SORCS3: variants seen among roughly 807,000 people sequenced by gnomAD.
SORCS3 encodes the protein VPS10 domain-containing receptor SorCS3.
Under a neutral mutation model 146.3 loss-of-function variants are expected in SORCS3, and 57 were observed. The ratio of observed to expected loss-of-function variants is 0.39; its 90% confidence interval spans 0.31 to 0.49. The LOEUF (loss-of-function observed/expected upper bound fraction) is 0.49. SORCS3 is among the 20% of genes least tolerant of loss of function. SORCS3 has a pLI of 0.92. For synonymous variants in SORCS3, 653 were observed against 618.5 expected (o/e 1.06, Z -0.83); for missense variants, 1,341 against 1,575.5 (o/e 0.85, Z 2.52).
intron 1 of SORCS3, among the ~76,000 whole-genome samples, chr10:104,780,525 A>C (rs1034125837): frequency 6.6e-6 from 1 of 152,104 alleles, no homozygotes; most frequent in Admixed American, 6.5e-5. Flanking sequence ...CACTCTTCCA[A>C]ATGGGCTGCT....
chr10:104,916,683 T>C (rs2019031519), intron 3 of SORCS3, among the ~76,000 whole-genome samples: 1 of 152,198 alleles, frequency 6.6e-6, no homozygotes, highest in Admixed American at 6.5e-5. Flanking sequence ...AAAGCACTGC[T>C]ATTTAGAAAC....
intron 1 of SORCS3, among the ~76,000 whole-genome samples, chr10:104,704,387 G>A (rs1047351782): frequency 2.0e-5 from 3 of 151,990 alleles, no homozygotes; most frequent in Admixed American, 2.0e-4. Flanking sequence ...ATGTTGCCCA[G>A]GCTAGTCTCA....
At chr10:104,984,334 G>A (rs1442899104) in intron 4 of SORCS3, among the ~76,000 whole-genome samples, 3 of 152,136 alleles carry the variant, frequency 2.0e-5, no homozygotes, top group Non-Finnish European at 2.9e-5. Context: ...ACAGGTTTCA[G>A]TTTTTAAAAT....
At chr10:104,715,097 A>G (rs1022966979) in intron 1 of SORCS3, among the ~76,000 whole-genome samples, 2 of 152,112 alleles carry the variant, frequency 1.3e-5, no homozygotes, top group African/African-American at 4.8e-5. Context: ...TGGGATGGCT[A>G]ATTTTGTGTG....
At chr10:105,174,600 C>T (rs762323132) in intron 13 of SORCS3, among the ~76,000 whole-genome samples, 4 of 152,036 alleles carry the variant, frequency 2.6e-5, no homozygotes, top group Non-Finnish European at 5.9e-5. Context: ...TGTTAGAAAT[C>T]GCTGGTCTCA....
At chr10:104,894,346 G>A (rs2018778103) in intron 2 of SORCS3, among the ~76,000 whole-genome samples, 1 of 152,228 alleles carries the variant, frequency 6.6e-6, no homozygotes, top group African/African-American at 2.4e-5. Context: ...ACCCTGGATT[G>A]GAATGAGCAG....
intron 1 of SORCS3, among the ~76,000 whole-genome samples, chr10:104,711,564 G>C (rs1037305718): frequency 2.6e-5 from 4 of 152,202 alleles, no homozygotes; most frequent in Non-Finnish European, 5.9e-5. Context: ...ACCCTTCCTA[G>C]CAATCCAGCT....
At chr10:105,082,618 C>T (rs2055632990) in intron 5 of SORCS3, among the ~76,000 whole-genome samples, 1 of 152,148 alleles carries the variant, frequency 6.6e-6, no homozygotes, top group Non-Finnish European at 1.5e-5. Context: ...ATCCTAGTTC[C>T]CTTCTTGAAG....
chr10:104,694,330 G>A (rs1186301951), intron 1 of SORCS3, among the ~76,000 whole-genome samples: 8 of 151,694 alleles, frequency 5.3e-5, no homozygotes, highest in Admixed American at 5.3e-4. Context: ...AGCTTTGGAA[G>A]CAGATGGTTC....
chr10:104,906,711 C>T (rs1192646446), intron 2 of SORCS3, among the ~76,000 whole-genome samples: 3 of 152,128 alleles, frequency 2.0e-5, no homozygotes, highest in East Asian at 1.9e-4. Context: ...CCTTTTTGAA[C>T]GCAGAAGCTT....
chr10:104,755,454 C>T (rs951068072), intron 1 of SORCS3, among the ~76,000 whole-genome samples: 1 of 152,114 alleles, frequency 6.6e-6, no homozygotes. Flanking sequence ...AATAAGATTG[C>T]ATGAGAGTTG....
intron 4 of SORCS3, among the ~76,000 whole-genome samples, chr10:105,029,784 G>C (rs565127730): frequency 6.6e-6 from 1 of 152,334 alleles, no homozygotes; most frequent in East Asian, 1.9e-4. Flanking sequence ...AGGGGTAGAG[G>C]TTAGCTGAAG....
chr10:105,242,839 TATTTTTATATATAAATTATATATATA>T (rs1190086137), intron 20 of SORCS3, among the ~76,000 whole-genome samples: 92 of 102,350 alleles, frequency 9.0e-4, no homozygotes, highest in Admixed American at 1.8e-3. Flanking sequence ...ATTATATATA[TATTTTTATATATAAATTATATATATA>T]TTTTTATATA....
chr10:104,841,925 G>T (rs946336698), intron 1 of SORCS3, among the ~76,000 whole-genome samples: 2 of 152,190 alleles, frequency 1.3e-5, no homozygotes, highest in Admixed American at 6.5e-5. Context: ...ATCGATTCAG[G>T]TGCACGCACT....
intron 20 of SORCS3, among the ~76,000 whole-genome samples, chr10:105,237,364 A>G (rs1312608342): frequency 6.6e-6 from 1 of 152,214 alleles, no homozygotes; most frequent in Admixed American, 6.5e-5. Context: ...AGGATTAAGT[A>G]AAGAAAGGCG....
At chr10:105,259,407 A>C (rs1235506666) in intron 25 of SORCS3, among the ~76,000 whole-genome samples, 1 of 152,118 alleles carries the variant, frequency 6.6e-6, no homozygotes, top group East Asian at 1.9e-4. Flanking sequence ...TTCATCCTAC[A>C]AACATTTATT....
At chr10:104,901,857 C>T (rs190469083) in intron 2 of SORCS3, among the ~76,000 whole-genome samples, 1 of 152,280 alleles carries the variant, frequency 6.6e-6, no homozygotes, top group African/African-American at 2.4e-5. Flanking sequence ...AACCTTTGAA[C>T]AGCTGAATGC....
chr10:104,954,137 C>T (rs2019462733), intron 3 of SORCS3, among the ~76,000 whole-genome samples: 1 of 152,004 alleles, frequency 6.6e-6, no homozygotes, highest in South Asian at 2.1e-4. Flanking sequence ...GGTTTGGTTA[C>T]AAATAAGTAA....
intron 1 of SORCS3, among the ~76,000 whole-genome samples, chr10:104,803,472 TCTCCTCAA>T (rs1164816851): frequency 6.6e-6 from 1 of 152,130 alleles, no homozygotes; most frequent in Non-Finnish European, 1.5e-5. Context: ...ATTCCAAACC[TCTCCTCAA>T]CCAGCTCACC....
Sources: allele counts gnomAD v4.1 joint callset (sites outside exome capture counted in the v4.1 genomes callset), GRCh38; gene constraint gnomAD v4.1.1; transcripts MANE v1.5; gene names NCBI Gene and HGNC (gene_info 2026-07-23, HGNC 2026-07-21).